TPD52L1: variants seen among roughly 807,000 people sequenced by gnomAD.
The protein encoded by TPD52L1 is tumor protein D53.
A neutral mutation model predicts 28.7 loss-of-function variants in TPD52L1; 18 were observed. The ratio of observed to expected loss-of-function variants is 0.63; its 90% CI spans 0.43 to 0.93. The LOEUF (loss-of-function observed/expected upper bound fraction) is 0.93. Among genes scored for constraint, TPD52L1 ranks in the 40% least tolerant of loss-of-function variants. TPD52L1 has a pLI of 0.00. For synonymous variants in TPD52L1, 75 were observed against 88.8 expected (o/e 0.84, Z 0.88); for missense variants, 203 against 254.8 (o/e 0.80, Z 1.39).
chr6:125,225,739 G>A (rs1198020917), intron 2 of TPD52L1, among the ~76,000 whole-genome samples: 2 of 152,128 alleles, frequency 1.3e-5, no homozygotes, highest in Admixed American at 1.3e-4. Flanking sequence ...AATTGGATGT[G>A]GCTTACAGAA....
At chr6:125,211,307 C>CTATCTATCTATCTATCT (rs1554209654) in intron 1 of TPD52L1, among the ~76,000 whole-genome samples, 12 of 147,048 alleles carry the variant, frequency 8.2e-5, no homozygotes, top group African/African-American at 3.2e-4. Flanking sequence ...ATCTATCTAT[C>CTATCTATCTATCTATCT]GTGTAACACA....
intron 1 of TPD52L1, among the ~76,000 whole-genome samples, chr6:125,189,340 G>A (rs1792878309): frequency 6.6e-6 from 1 of 152,148 alleles, no homozygotes; most frequent in Non-Finnish European, 1.5e-5. Context: ...TAAGAACAGA[G>A]GTGACTTATG....
chr6:125,162,163 T>A (rs1434904246), intron 1 of TPD52L1, among the ~76,000 whole-genome samples: 1 of 152,242 alleles, frequency 6.6e-6, no homozygotes, highest in Non-Finnish European at 1.5e-5. Flanking sequence ...CAAAGTTACC[T>A]CCTGTAGTTT....
intron 1 of TPD52L1, among the ~76,000 whole-genome samples, chr6:125,183,564 C>G (rs575972164): frequency 1.3e-5 from 2 of 152,130 alleles, no homozygotes; most frequent in Non-Finnish European, 2.9e-5. Flanking sequence ...GTGCCCAGTC[C>G]GTGAAGGGCC....
Position 125,172,552 on chromosome 6 carries a change from A to ATACT in TPD52L1, c.19+18582_19+18583insTACT. 2.0e-3 allele frequency among the ~76,000 whole-genome samples: 142 copies of ATACT among 72,374 alleles called. 10 individuals carry two copies. Among genetic ancestry groups the ATACT allele is most frequent in the African/African-American group, 8.3e-3 (136 of 16,308 alleles). 47.5% of individuals were successfully genotyped at this position (72,374 alleles called of 152,430 possible). On this transcript the variant is annotated intron_variant, in intron 1 of 6. Transcript: ENST00000534000. ...TATATATATATATATATATATATAT[A>ATACT]ATATATATACTATATGGCATGAAAT...
At chr6:125,217,384 G>A (rs1464929396) in intron 1 of TPD52L1, among the ~76,000 whole-genome samples, 2 of 152,068 alleles carry the variant, frequency 1.3e-5, no homozygotes, top group Non-Finnish European at 2.9e-5. Flanking sequence ...ACAACTAGAC[G>A]GTCCCATCTG....
chr6:125,209,133 C>G (rs1342477277), intron 1 of TPD52L1, among the ~76,000 whole-genome samples: 2 of 152,216 alleles, frequency 1.3e-5, no homozygotes, highest in African/African-American at 2.4e-5. Flanking sequence ...TGACTACTAT[C>G]ATCAACTTGG....
chr6:125,189,044 T>G (rs1445909141), intron 1 of TPD52L1, among the ~76,000 whole-genome samples: 1 of 152,240 alleles, frequency 6.6e-6, no homozygotes, highest in Non-Finnish European at 1.5e-5. Context: ...GCTAACGATT[T>G]TTCTCCTACA....
rs527915774 is a variant in TPD52L1 at position 125,154,495 on chromosome 6, G to T, written c.19+525G>T. 6 of 985,598 alleles carry T rather than the reference G, an allele frequency of 6.1e-6. No homozygotes were observed. The South Asian group carries it at 2.8e-4, about 46-fold the overall frequency. 61.1% of individuals were successfully genotyped at this position (985,598 alleles called of 1,614,324 possible). ...GGGGACCCGCCTTCCGAGGCCAGGT[G>T]AACGTTACCGGCCCCCTGACCTCCA... On this transcript the variant is annotated intron_variant, in intron 1 of 6. Coordinates refer to ENST00000534000, the MANE Select transcript of TPD52L1 (RefSeq NM_003287.4).
At chr6:125,163,442 C>G (rs1321052501) in intron 1 of TPD52L1, among the ~76,000 whole-genome samples, 1 of 151,772 alleles carries the variant, frequency 6.6e-6, no homozygotes. Flanking sequence ...GTAAATTGGG[C>G]ATGGTGATGC....
chr6:125,220,104 G>C lies in TPD52L1; in HGVS notation c.46G>C (p.Gly16Arg). 1 of 1,613,726 alleles carries C rather than the reference G, an allele frequency of 6.2e-7. No homozygotes were observed. Among genetic ancestry groups the C allele is most frequent in the South Asian group, 1.1e-5 (1 of 91,068 alleles). ...QGLLETEPLQ[G>R]TDEDAVASAD... The stretch of plus-strand genomic sequence containing the variant: ...TTTGTTGGAGACTGAACCGTTGCAA[G>C]GAACAGACGAAGATGCAGTAGCCAG... Residue 16 changes from glycine to arginine, a missense_variant, in exon 2 of 7, where the codon GGA becomes CGA. Physicochemically the swap from Gly to Arg is moderately radical, Grantham distance 125. Coordinates refer to ENST00000534000, the MANE Select transcript of TPD52L1 (RefSeq NM_003287.4).
intron 1 of TPD52L1, among the ~76,000 whole-genome samples, chr6:125,159,150 G>T (rs547847008): frequency 1.3e-5 from 2 of 152,294 alleles, no homozygotes; most frequent in Admixed American, 1.3e-4. Context: ...CTTTCAAGAA[G>T]ATTTATATAT....
At chr6:125,214,464 G>T in intron 1 of TPD52L1, 1 of 984,250 alleles carries the variant, frequency 1.0e-6, no homozygotes, top group South Asian at 4.7e-5. Context: ...TACCTCCTCG[G>T]TAAGTCCTAG....
At chr6:125,213,817 A>G (rs79200844) in intron 1 of TPD52L1, among the ~76,000 whole-genome samples, 6,775 of 152,222 alleles carry the variant, frequency 0.045, 172 homozygotes, top group East Asian at 0.079. Context: ...CAAAAAGGAA[A>G]TTGGGGCAGG....
At chr6:125,179,550 A>G (rs775459483) in intron 1 of TPD52L1, among the ~76,000 whole-genome samples, 1 of 152,224 alleles carries the variant, frequency 6.6e-6, no homozygotes, top group Non-Finnish European at 1.5e-5. Flanking sequence ...CCCTCAAAGC[A>G]TTTCACAAGC....
intron 6 of TPD52L1, among the ~76,000 whole-genome samples, chr6:125,259,475 C>A (rs2115067141): frequency 6.6e-6 from 1 of 152,312 alleles, no homozygotes; most frequent in East Asian, 1.9e-4. Flanking sequence ...TATTACTTGA[C>A]ACTGCAGCTG....
At chr6:125,171,538 A>G (rs1380673373) in intron 1 of TPD52L1, among the ~76,000 whole-genome samples, 1 of 152,182 alleles carries the variant, frequency 6.6e-6, no homozygotes, top group Non-Finnish European at 1.5e-5. Context: ...TGAAGTAAAC[A>G]GTCGAGTTGG....
At chr6:125,260,852 G>A (rs1797875599) in intron 6 of TPD52L1, among the ~76,000 whole-genome samples, 2 of 137,254 alleles carry the variant, frequency 1.5e-5, no homozygotes, top group African/African-American at 2.7e-5. Context: ...GAAAGAAAGT[G>A]AGAGAGAGAA....
intron 1 of TPD52L1, among the ~76,000 whole-genome samples, chr6:125,209,434 G>T (rs3799749): frequency 1.3e-5 from 2 of 152,190 alleles, no homozygotes; most frequent in African/African-American, 2.4e-5. Context: ...TCTCTCCAGG[G>T]ATATTCACTA....
Sources: allele counts gnomAD v4.1 joint callset (sites outside exome capture counted in the v4.1 genomes callset), GRCh38; gene constraint gnomAD v4.1.1; transcripts MANE v1.5; gene names NCBI Gene and HGNC (gene_info 2026-07-23, HGNC 2026-07-21).